The following ZRANB3 variants were observed in gnomAD, a reference collection of about 807,000 sequenced individuals.
ZRANB3 encodes DNA annealing helicase and endonuclease ZRANB3.
In ZRANB3, 125 loss-of-function variants were observed where a neutral mutation model predicts 133.8. That is an observed-to-expected ratio of 0.93 (90% CI 0.81 to 1.08). The LOEUF (loss-of-function observed/expected upper bound fraction) is 1.08, where lower values mean the gene tolerates loss of function less well. ZRANB3 is among the 50% of genes least tolerant of loss of function. The probability of loss-of-function intolerance (pLI) is 0.00; values close to 1 mark genes in which losing one functional copy is unlikely to be tolerated. For missense variants in ZRANB3, 1,229 were observed against 1,275.5 expected, an observed-to-expected ratio of 0.96 and a Z score of 0.56; for synonymous variants, 387 against 432.7, an observed-to-expected ratio of 0.89 and a Z score of 1.31.
chr2:135,225,516 G>T (rs1694724044), intron 14 of ZRANB3, among the ~76,000 whole-genome samples: 1 of 152,156 alleles, frequency 6.6e-6, no homozygotes, highest in African/African-American at 2.4e-5. Flanking sequence ...AACAACAATG[G>T]CATTTTACAA....
At chr2:135,381,376 C>T (rs991650780) in intron 3 of ZRANB3, among the ~76,000 whole-genome samples, 13 of 152,322 alleles carry the variant, frequency 8.5e-5, no homozygotes, top group East Asian at 7.7e-4. Context: ...GCGGAGCCCA[C>T]GGCAGTTCAA....
intron 1 of ZRANB3, among the ~76,000 whole-genome samples, chr2:135,521,742 A>G (rs1693950744): frequency 6.6e-6 from 1 of 152,226 alleles, no homozygotes; most frequent in Non-Finnish European, 1.5e-5. Flanking sequence ...TTTATACGGC[A>G]GCAAGTAATC....
chr2:135,383,326 G>A (rs1692143148), intron 3 of ZRANB3, among the ~76,000 whole-genome samples: 1 of 152,052 alleles, frequency 6.6e-6, no homozygotes, highest in South Asian at 2.1e-4. Flanking sequence ...CCAAATACAG[G>A]AGCACACAGA....
chr2:135,385,183 C>A (rs551523048), intron 3 of ZRANB3, among the ~76,000 whole-genome samples: 79 of 152,256 alleles, frequency 5.2e-4, no homozygotes, highest in African/African-American at 1.8e-3. Flanking sequence ...CACAAGCATT[C>A]TTATACACCA....
chr2:135,361,525 A>G (rs1275109270), intron 3 of ZRANB3, among the ~76,000 whole-genome samples: 1 of 152,152 alleles, frequency 6.6e-6, no homozygotes, highest in Non-Finnish European at 1.5e-5. Context: ...GATTACTTTT[A>G]TAAAGCAATT....
At chr2:135,285,126 T>C (rs1464764989) in intron 8 of ZRANB3, among the ~76,000 whole-genome samples, 2 of 152,244 alleles carry the variant, frequency 1.3e-5, no homozygotes, top group Non-Finnish European at 2.9e-5. Context: ...ATTACAGGCA[T>C]GAGCCACCGC....
At chr2:135,276,411 A>C (rs1209147795) in intron 8 of ZRANB3, among the ~76,000 whole-genome samples, 1 of 152,108 alleles carries the variant, frequency 6.6e-6, no homozygotes, top group Admixed American at 6.6e-5. Context: ...GGTCTGAGAG[A>C]ACAGGGGGAC....
intron 2 of ZRANB3, among the ~76,000 whole-genome samples, chr2:135,432,375 G>A (rs1004881841): frequency 6.6e-6 from 1 of 152,076 alleles, no homozygotes; most frequent in Admixed American, 6.5e-5. Context: ...ACATGAAAAT[G>A]GGAATTTTTA....
intron 1 of ZRANB3, among the ~76,000 whole-genome samples, chr2:135,505,730 A>G (rs1457512160): frequency 6.6e-6 from 1 of 152,238 alleles, no homozygotes. Flanking sequence ...TAGGTACTAC[A>G]TGCCACAACC....
At chr2:135,235,379 T>A (rs1558851219) in intron 12 of ZRANB3, among the ~76,000 whole-genome samples, 2 of 152,142 alleles carry the variant, frequency 1.3e-5, no homozygotes, top group Admixed American at 1.3e-4. Context: ...CTGGTACCAT[T>A]CCTTCTGAAA....
At chr2:135,250,902 GT>G in intron 12 of ZRANB3, among the ~76,000 whole-genome samples, 1 of 152,350 alleles carries the variant, frequency 6.6e-6, no homozygotes, top group South Asian at 2.1e-4. Flanking sequence ...GCACTGCCTA[GT>G]GGAGCTGTGA....
intron 3 of ZRANB3, among the ~76,000 whole-genome samples, chr2:135,372,915 T>TA (rs953131229): frequency 1.1e-4 from 16 of 150,302 alleles, no homozygotes; most frequent in African/African-American, 2.0e-4. Context: ...ACCCTGTCTC[T>TA]AAAAAAAAAT....
intron 12 of ZRANB3, among the ~76,000 whole-genome samples, chr2:135,244,268 T>G (rs1011904168): frequency 1.3e-5 from 2 of 151,758 alleles, no homozygotes; most frequent in African/African-American, 2.4e-5. Context: ...GCCAAACAGA[T>G]CAAACCACCC....
chr2:135,344,727 C>T (rs1296974352), intron 6 of ZRANB3, among the ~76,000 whole-genome samples: 1 of 152,050 alleles, frequency 6.6e-6, no homozygotes. Context: ...GGTAACGGAG[C>T]GAGACTCCGT....
rs1353571831 is a variant in ZRANB3 at position 135,312,162 on chromosome 2, ATTTTATTTTATTTTATTTTATTTTAT to A, written c.966+1301_966+1326del. On this transcript the variant is annotated intron_variant, in intron 8 of 20. Transcript: ENST00000264159. ...TTTTATTTTATTTTATTTTATTTTT[ATTTTATTTTATTTTATTTTATTTTAT>A]TTTTATTTTATTTTATTTTATTTTA... 1.6e-3 allele frequency among the ~76,000 whole-genome samples: 197 copies of A among 122,046 alleles called. 2 individuals carry two copies. Among genetic ancestry groups the A allele is most frequent in the Middle Eastern group, 7.7e-3 (2 of 260 alleles). 80.1% of individuals were successfully genotyped at this position (122,046 alleles called of 152,430 possible). A position where few individuals can be genotyped will look rare whatever the true frequency, so the allele number is the denominator to read the frequency against.
intron 8 of ZRANB3, among the ~76,000 whole-genome samples, chr2:135,305,896 T>C (rs564599408): frequency 1.3e-5 from 2 of 152,256 alleles, no homozygotes; most frequent in African/African-American, 4.8e-5. Context: ...TTTCAGCAAA[T>C]TGAATATATT....
rs1694983511 is a variant in ZRANB3, at chr2:135,230,888, C to CA, written c.1578dup (p.Val527CysfsTer5). Reference sequence around the variant, plus strand: ...AACTGTCTTTTTTTAGGTTGTGGTACAAAAAATGATCGAATATCATGCTGT... The same window carrying CA: ...AACTGTCTTTTTTTAGGTTGTGGTACAAAAAAATGATCGAATATCATGCTGT... On this transcript the variant is annotated frameshift_variant, in exon 13 of 21. Coordinates refer to ENST00000264159, the MANE Select transcript of ZRANB3 (RefSeq NM_032143.4). LOFTEE classifies it high-confidence loss of function. The CA allele has an allele frequency of 1.3e-6, 2 of 1,578,812 alleles. No individual in the cohort carries two copies. The highest frequency in any genetic ancestry group is 1.9e-5 in the Admixed American group (1 of 51,368).
At chr2:135,369,897 T>C (rs1235813132) in intron 3 of ZRANB3, among the ~76,000 whole-genome samples, 1 of 152,160 alleles carries the variant, frequency 6.6e-6, no homozygotes, top group Non-Finnish European at 1.5e-5. Context: ...AAATTAATGG[T>C]TCCTTCCACA....
chr2:135,297,542 C>T (rs1202539036), intron 8 of ZRANB3, among the ~76,000 whole-genome samples: 4 of 152,344 alleles, frequency 2.6e-5, no homozygotes, highest in African/African-American at 4.8e-5. Context: ...GGCGATGCCT[C>T]GCCCTGCTTT....
Sources: allele counts gnomAD v4.1 joint callset (sites outside exome capture counted in the v4.1 genomes callset), GRCh38; gene constraint gnomAD v4.1.1; transcripts MANE v1.5; gene names NCBI Gene and HGNC (gene_info 2026-07-23, HGNC 2026-07-21).